Variants in MAL observed in about 807,000 individuals in gnomAD.
MAL encodes the protein mal, T cell differentiation protein (MAL blood group), also known as myelin and lymphocyte protein.
In MAL, 5 loss-of-function variants were observed where a neutral mutation model predicts 16.7. That is an observed-to-expected ratio of 0.30 (90% CI 0.16 to 0.63). The LOEUF (loss-of-function observed/expected upper bound fraction) is 0.63. Ranked by LOEUF, MAL falls within the 30% of genes least tolerant of loss-of-function variation. MAL has a pLI of 0.82. For synonymous variants in MAL, 96 were observed against 85.5 expected (o/e 1.12, Z -0.67); for missense variants, 202 against 195.8 (o/e 1.03, Z -0.19).
intron 1 of MAL, among the ~76,000 whole-genome samples, chr2:95,041,272 A>C (rs560029934): frequency 7.6e-4 from 116 of 152,312 alleles, no homozygotes; most frequent in Middle Eastern, 6.8e-3. Flanking sequence ...TGTTGGAAGG[A>C]AGGCCGGCTC....
chr2:95,047,583 T>C (rs886406297), intron 1 of MAL, among the ~76,000 whole-genome samples: 1 of 152,116 alleles, frequency 6.6e-6, no homozygotes, highest in African/African-American at 2.4e-5. Flanking sequence ...TAGCTGGGCA[T>C]GGTGGCATGC....
At chr2:95,051,953 C>A (rs1288565336) in intron 3 of MAL, 1 of 152,242 alleles carries the variant, frequency 6.6e-6, no homozygotes, top group Non-Finnish European at 1.5e-5. Context: ...TACAGGGAGG[C>A]ACCTCACACC....
intron 1 of MAL, among the ~76,000 whole-genome samples, chr2:95,039,485 T>A (rs1674385306): frequency 6.7e-6 from 1 of 149,878 alleles, no homozygotes; most frequent in Admixed American, 6.6e-5. Context: ...AGTAAGTGAC[T>A]GAGTGACTGA....
rs772160362 is a variant in MAL at position 95,048,031 on chromosome 2, A to G, written c.166A>G (p.Met56Val). Residue 56 changes from methionine to valine, a missense_variant, in exon 2 of 4, where the codon ATG becomes GTG. Physicochemically the swap from Met to Val is conservative, Grantham distance 21. Transcript: ENST00000309988. Reference protein sequence around the residue: ...VPWPLVQGWVMFVSVFCFVAT... With the variant: ...VPWPLVQGWVVFVSVFCFVAT... ...CTGGCCCCTGGTCCAGGGCTGGGTG[A>G]TGTTCGTGTCTGTGTTCTGCTTCGT... The G allele has an allele frequency of 2.5e-5, 41 of 1,613,380 alleles. No individual in the cohort carries two copies. Among genetic ancestry groups the G allele is most frequent in the Non-Finnish European group, 3.4e-5 (40 of 1,179,794 alleles).
chr2:95,037,882 G>A (rs539668396), intron 1 of MAL, among the ~76,000 whole-genome samples: 1 of 151,758 alleles, frequency 6.6e-6, no homozygotes, highest in South Asian at 2.1e-4. Context: ...GTGAGAGACT[G>A]AGTGACCGAG....
intron 1 of MAL, among the ~76,000 whole-genome samples, chr2:95,037,648 G>A (rs1244052539): frequency 6.6e-6 from 1 of 150,452 alleles, no homozygotes; most frequent in African/African-American, 2.5e-5. Context: ...GAGTGAGCAA[G>A]CGAGTGAGTG....
chr2:95,047,998 C>T lies in MAL; in HGVS notation c.133C>T (p.Leu45=). The T allele has an allele frequency of 3.7e-6, 6 of 1,606,120 alleles. No homozygotes were observed. The highest frequency in any genetic ancestry group is 3.4e-6 in the Non-Finnish European group (4 of 1,176,534). ...GGTGTGGATCCTGGTGGCCTCCTCC[C>T]TGGTGCCCTGGCCCCTGGTCCAGGG... ...GLVWILVASS[L]VPWPLVQGWV... is the part of the protein sequence containing the mutation. Residue 45 remains leucine, a synonymous_variant, in exon 2 of 4, where the codon CTG becomes TTG. Transcript: ENST00000309988.
Position 95,053,683 on chromosome 2 carries a change from CTGCTG to C in MAL, c.*235_*239del, listed in dbSNP as rs1445964708. On this transcript the variant is annotated 3_prime_UTR_variant, in exon 4 of 4. Coordinates refer to ENST00000309988, the MANE Select transcript of MAL (RefSeq NM_002371.4). ...GGAGCTTGCTGTGTCTAACCTCCAA[CTGCTG>C]TGCTGTCTGCTAGGGTCACCTCCTG... The C allele has an allele frequency of 1.8e-6, 1 of 557,774 alleles. No individual in the cohort carries two copies. Among genetic ancestry groups the C allele is most frequent in the African/African-American group, 1.9e-5 (1 of 53,166 alleles). 34.6% of individuals were successfully genotyped at this position (557,774 alleles called of 1,614,324 possible).
intron 3 of MAL, among the ~76,000 whole-genome samples, chr2:95,052,119 G>T (rs1214037495): frequency 1.3e-5 from 2 of 152,336 alleles, no homozygotes; most frequent in East Asian, 1.9e-4. Context: ...GGTGGAAGTC[G>T]CCTGGGGCGA....
chr2:95,053,346 A>C (rs1674760729), intron 3 of MAL, 35 bp from the exon 4 acceptor site: 1 of 1,479,226 alleles, frequency 6.8e-7, no homozygotes, highest in Non-Finnish European at 9.4e-7. Context: ...CCCTCCCTAC[A>C]CAAACCCATT....
At position 95,025,943 on chromosome 2, in the gene MAL, G is replaced by A; in HGVS notation, c.93+58G>A. On this transcript the variant is annotated intron_variant, in intron 1 of 3. Coordinates refer to ENST00000309988, the MANE Select transcript of MAL (RefSeq NM_002371.4). The surrounding 1 kb of genome is among the most constrained non-coding windows in gnomAD (Gnocchi z 5.6). ...TGGGCTGAGCCGTGCGCTCTCTCGG[G>A]CGCCCAGCACAGCTGTCGGACGGGA... is the stretch of plus-strand genomic sequence containing the variant. The A allele has an allele frequency of 1.4e-6, 2 of 1,434,404 alleles. No homozygotes were observed. The highest frequency in any genetic ancestry group is 2.6e-5 in the South Asian group (2 of 75,812). 88.9% of individuals were successfully genotyped at this position (1,434,404 alleles called of 1,614,324 possible).
Position 95,044,382 on chromosome 2 carries a change from T to C in MAL, c.94-3577T>C, listed in dbSNP as rs140165788. 3.3e-5 allele frequency: 5 copies of C among 152,302 alleles called. No homozygotes were observed. The East Asian group carries it at 9.7e-4, about 29-fold the overall frequency. 9.4% of individuals were successfully genotyped at this position (152,302 alleles called of 1,614,324 possible). A position where few individuals can be genotyped will look rare whatever the true frequency, so the allele number is the denominator to read the frequency against. On this transcript the variant is annotated intron_variant, in intron 1 of 3. Transcript: ENST00000309988. ...AAACCAGGGAATCATACCCTTTCAA[T>C]GGGGGAACTGCATGGGCTGTGAATT...
At chr2:95,047,652 C>A (rs765886861) in intron 1 of MAL, among the ~76,000 whole-genome samples, 13 of 152,156 alleles carry the variant, frequency 8.5e-5, no homozygotes, top group Non-Finnish European at 1.9e-4. Context: ...ACCCAGGAGG[C>A]AGAGGTTGCA....
intron 1 of MAL, among the ~76,000 whole-genome samples, chr2:95,027,979 C>T (rs1212504451): frequency 6.6e-6 from 1 of 152,036 alleles, no homozygotes; most frequent in Non-Finnish European, 1.5e-5. Flanking sequence ...TAAAAAGATG[C>T]TTAACATCAT....
At chr2:95,034,347 C>T (rs567914051) in intron 1 of MAL, among the ~76,000 whole-genome samples, 27 of 152,204 alleles carry the variant, frequency 1.8e-4, no homozygotes, top group Non-Finnish European at 3.1e-4. Flanking sequence ...GCAGCCCCAG[C>T]CTGCCTTCTG....
chr2:95,027,257 A>G (rs187956167), intron 1 of MAL, among the ~76,000 whole-genome samples: 97 of 152,224 alleles, frequency 6.4e-4, no homozygotes, highest in African/African-American at 2.2e-3. Context: ...GGGAAAGGTG[A>G]CCGGAGACTC....
intron 1 of MAL, among the ~76,000 whole-genome samples, chr2:95,036,679 A>T (rs1179562492): frequency 6.7e-6 from 1 of 150,366 alleles, no homozygotes; most frequent in Non-Finnish European, 1.5e-5. Flanking sequence ...CTGAGTGACT[A>T]ACTGAGTGAC....
chr2:95,036,751 G>A (rs527867665), intron 1 of MAL, among the ~76,000 whole-genome samples: 1 of 150,366 alleles, frequency 6.7e-6, no homozygotes, highest in African/African-American at 2.4e-5. Context: ...GTGAGTGACC[G>A]AGTGAGTGAC....
At chr2:95,050,146 C>T (rs1674686189) in intron 3 of MAL, among the ~76,000 whole-genome samples, 1 of 152,164 alleles carries the variant, frequency 6.6e-6, no homozygotes, top group Non-Finnish European at 1.5e-5. Context: ...GAGGCCCAGT[C>T]CCCACACTCT....
Sources: allele counts gnomAD v4.1 joint callset (sites outside exome capture counted in the v4.1 genomes callset), GRCh38; gene constraint gnomAD v4.1.1; non-coding constraint Gnocchi (gnomAD v3.1); transcripts MANE v1.5; gene names NCBI Gene and HGNC (gene_info 2026-07-23, HGNC 2026-07-21).